CD6: variants seen among roughly 807,000 people sequenced by gnomAD.
CD6 encodes the protein T-cell differentiation antigen CD6.
A neutral mutation model predicts 75.3 loss-of-function variants in CD6; 53 were observed. That is an observed-to-expected ratio of 0.70 (90% CI 0.56 to 0.88). The LOEUF is 0.88. Among genes scored for constraint, CD6 ranks in the 40% least tolerant of loss-of-function variants. The pLI is 0.00. For synonymous variants in CD6, 359 were observed against 381.5 expected (o/e 0.94, Z 0.69); for missense variants, 770 against 897.1 (o/e 0.86, Z 1.81).
At chr11:61,014,138 C>A (rs961723597) in intron 8 of CD6, 124 bp downstream of exon 8, 14 of 645,178 alleles carry the variant, frequency 2.2e-5, no homozygotes, top group African/African-American at 2.0e-4. Flanking sequence ...CTGGGCCAGC[C>A]CACTCCCGGC....
chr11:60,998,446 C>T (rs1239749582), intron 1 of CD6, among the ~76,000 whole-genome samples: 3 of 152,236 alleles, frequency 2.0e-5, no homozygotes, highest in Non-Finnish European at 4.4e-5. Context: ...AGTGACAAAA[C>T]GGGGCCAGAA....
intron 1 of CD6, among the ~76,000 whole-genome samples, chr11:60,987,410 A>G (rs1230317457): frequency 1.3e-5 from 2 of 152,212 alleles, no homozygotes; most frequent in African/African-American, 4.8e-5. Context: ...TGCTAACTTG[A>G]TTGCCCCTAT....
At chr11:60,984,893 G>A (rs1238568995) in intron 1 of CD6, among the ~76,000 whole-genome samples, 1 of 152,204 alleles carries the variant, frequency 6.6e-6, no homozygotes, top group Non-Finnish European at 1.5e-5. Flanking sequence ...AGTTGGAGAG[G>A]CTGGCAGGGC....
Position 61,007,543 on chromosome 11 carries a change from T to C in CD6, c.119-17T>C, listed in dbSNP as rs1858919644. The C allele has an allele frequency of 5.5e-6, 8 of 1,460,130 alleles. No individual in the cohort carries two copies. Among genetic ancestry groups the C allele is most frequent in the African/African-American group, 1.5e-5 (1 of 67,468 alleles). The allele number at this position is 1,460,130 out of a possible 1,614,324, so 90.4% of individuals were successfully genotyped here. On this transcript the variant is annotated splice_polypyrimidine_tract_variant and intron_variant, in intron 2 of 12. Coordinates refer to ENST00000313421, the MANE Select transcript of CD6 (RefSeq NM_006725.5). This position sits in a 1 kb window ranked among gnomAD's most constrained non-coding sequence, Gnocchi z 4.2. Reference sequence around the variant, plus strand: ...CCAGGCCCCACCGGTCTCAGCTCTCTGGTCTGACACTTCCAGGGGAGCGGC... The same window carrying C: ...CCAGGCCCCACCGGTCTCAGCTCTCCGGTCTGACACTTCCAGGGGAGCGGC...
chr11:61,009,487 G>T, intron 4 of CD6, 85 bp from the exon 5 acceptor site: 1 of 1,232,808 alleles, frequency 8.1e-7, no homozygotes, highest in Non-Finnish European at 1.1e-6. Context: ...GGCTGCATTG[G>T]TGCCTGCACT....
chr11:60,975,828 C>T (rs1857341928), intron 1 of CD6, among the ~76,000 whole-genome samples: 1 of 152,012 alleles, frequency 6.6e-6, no homozygotes, highest in Non-Finnish European at 1.5e-5. Context: ...GGAGGGTTGT[C>T]CTGGAATATT....
At chr11:60,976,188 G>A (rs1857356921) in intron 1 of CD6, among the ~76,000 whole-genome samples, 1 of 152,094 alleles carries the variant, frequency 6.6e-6, no homozygotes, top group Middle Eastern at 3.2e-3. Context: ...CCCACCTTTT[G>A]GAATCTCTGA....
intron 6 of CD6, among the ~76,000 whole-genome samples, chr11:61,011,505 G>T (rs529491703): frequency 1.3e-5 from 2 of 152,158 alleles, no homozygotes; most frequent in Non-Finnish European, 2.9e-5. Context: ...GCTGGGTAGC[G>T]GGAATGCCAG....
At chr11:61,013,886 T>C (rs199919045) in intron 7 of CD6, 33 bp from the exon 8 acceptor site, 2 of 1,504,132 alleles carry the variant, frequency 1.3e-6, no homozygotes, top group East Asian at 2.3e-5. Flanking sequence ...GGCAAAAAAA[T>C]GACTTGTAGA....
Position 60,971,798 on chromosome 11 carries a change from C to T in CD6, c.-68C>T. 3.3e-6 allele frequency: 5 copies of T among 1,520,508 alleles called. No homozygotes were observed. Among genetic ancestry groups the T allele is most frequent in the Non-Finnish European group, 4.5e-6 (5 of 1,102,886 alleles). The allele number at this position is 1,520,508 out of a possible 1,614,324, so 94.2% of individuals were successfully genotyped here. ...GCCAGGGGCGCACAACGGCCGTGTC[C>T]ACCTCCCGGCCCCAAGATGGTGCTT... is the stretch of plus-strand genomic sequence containing the variant. On this transcript the variant is annotated 5_prime_UTR_variant, in exon 1 of 13. Transcript: ENST00000313421.
Position 61,007,446 on chromosome 11 carries a change from G to C in CD6, c.119-114G>C. 1.2e-6 allele frequency: 1 copy of C among 821,928 alleles called. No individual in the cohort carries two copies. Among genetic ancestry groups the C allele is most frequent in the Non-Finnish European group, 1.7e-6 (1 of 577,710 alleles). 50.9% of individuals were successfully genotyped at this position (821,928 alleles called of 1,614,324 possible). ...TCCATTTTGCAGACTGGAAAGCTGA[G>C]ACCCCTAGCCAGGCAGGGCGTTGTC... On this transcript the variant is annotated intron_variant, in intron 2 of 12. Coordinates refer to ENST00000313421, the MANE Select transcript of CD6 (RefSeq NM_006725.5). This position sits in a 1 kb window ranked among gnomAD's most constrained non-coding sequence, Gnocchi z 4.2.
At chr11:60,999,768 CG>C (rs1222081166) in intron 1 of CD6, among the ~76,000 whole-genome samples, 4 of 151,996 alleles carry the variant, frequency 2.6e-5, no homozygotes, top group Admixed American at 1.3e-4. Flanking sequence ...AGCACAGGGT[CG>C]GGTTCTGTGG....
In CD6 at chr11:61,009,679, T is replaced by C. The variant is rs1859053475; in HGVS notation, c.889T>C (p.Ser297Pro). Residue 297 changes from serine (S) to proline (P), a missense_variant, in exon 5 of 13, where the codon TCG becomes CCG. Ser to Pro is a moderately conservative substitution (Grantham distance 74). Coordinates refer to ENST00000313421, the MANE Select transcript of CD6 (RefSeq NM_006725.5). ...AGTGTGTGACAGTGAGTGGTACCCA[T>C]CGGAGGCCAAGGTGCTCTGCCAGTC... ...NTVCDSEWYP[S>P]EAKVLCQSLG... 1.9e-6 allele frequency: 3 copies of C among 1,614,046 alleles called. No individual in the cohort carries two copies. Among genetic ancestry groups the C allele is most frequent in the Non-Finnish European group, 2.5e-6 (3 of 1,180,018 alleles).
At position 61,007,547 on chromosome 11, in the gene CD6, C is replaced by G; in HGVS notation, c.119-13C>G. 2 of 1,473,520 alleles carry G rather than the reference C, an allele frequency of 1.4e-6. No homozygotes were observed. The highest frequency in any genetic ancestry group is 1.8e-6 in the Non-Finnish European group (2 of 1,111,170). 91.3% of individuals were successfully genotyped at this position (1,473,520 alleles called of 1,614,324 possible). A position where few individuals can be genotyped will look rare whatever the true frequency, so the allele number is the denominator to read the frequency against. ...GCCCCACCGGTCTCAGCTCTCTGGTCTGACACTTCCAGGGGAGCGGCTTCC... is the reference window on the plus strand; with the variant it reads ...GCCCCACCGGTCTCAGCTCTCTGGTGTGACACTTCCAGGGGAGCGGCTTCC... On this transcript the variant is annotated splice_polypyrimidine_tract_variant and intron_variant, in intron 2 of 12. Coordinates refer to ENST00000313421, the MANE Select transcript of CD6 (RefSeq NM_006725.5). This position sits in a 1 kb window ranked among gnomAD's most constrained non-coding sequence, Gnocchi z 4.2.
intron 3 of CD6, 112 bp downstream of exon 3, chr11:61,008,022 C>A: frequency 3.2e-6 from 2 of 632,202 alleles, no homozygotes; most frequent in Non-Finnish European, 4.7e-6. Flanking sequence ...ACCTCCACCC[C>A]CACCGCCTAC....
chr11:61,009,587 G>C lies in CD6; in HGVS notation c.797G>C (p.Arg266Pro). 6.2e-7 allele frequency: 1 copy of C among 1,606,840 alleles called. No homozygotes were observed. Among genetic ancestry groups the C allele is most frequent in the Non-Finnish European group, 8.5e-7 (1 of 1,176,710 alleles). The change falls in exon 5 of 13, where the codon CGC becomes CCC. Residue 266 changes from arginine to proline, a missense_variant. By Grantham distance (103) the Arg-to-Pro change is moderately radical. Transcript: ENST00000313421. ...GAVCSEHQSW[R>P]LTGGADRCEG... ...TTCCCTGCAGAGCACCAGTCCTGGCGCCTGACAGGGGGCGCTGACCGCTGC... is the reference window on the plus strand; with the variant it reads ...TTCCCTGCAGAGCACCAGTCCTGGCCCCTGACAGGGGGCGCTGACCGCTGC...
chr11:60,988,210 C>T (rs1367092610), intron 1 of CD6, among the ~76,000 whole-genome samples: 1 of 152,236 alleles, frequency 6.6e-6, no homozygotes, highest in Non-Finnish European at 1.5e-5. Context: ...ACAGGCTCCT[C>T]ATGGAGATGA....
chr11:60,994,983 T>C (rs1204111765), intron 1 of CD6, among the ~76,000 whole-genome samples: 2 of 152,210 alleles, frequency 1.3e-5, no homozygotes, highest in African/African-American at 2.4e-5. Flanking sequence ...TGACTGAGCC[T>C]GTGACAGCTT....
At chr11:61,008,305 A>T (rs1183132601) in intron 3 of CD6, 4 of 541,864 alleles carry the variant, frequency 7.4e-6, no homozygotes, top group Non-Finnish European at 9.8e-6. Context: ...CCAGGCTCCC[A>T]AACCTGCCCT....
Sources: allele counts gnomAD v4.1 joint callset (sites outside exome capture counted in the v4.1 genomes callset), GRCh38; gene constraint gnomAD v4.1.1; non-coding constraint Gnocchi (gnomAD v3.1); transcripts MANE v1.5; gene names NCBI Gene and HGNC (gene_info 2026-07-23, HGNC 2026-07-21).